CD177: variants seen among roughly 807,000 people sequenced by gnomAD.
CD177 encodes CD177 molecule, also known as CD177 antigen.
In CD177, 41 loss-of-function variants were observed where a neutral mutation model predicts 38.1. The observed-to-expected ratio is 1.07, with a 90% CI of 0.84 to 1.39. The LOEUF is 1.39. Ranked by LOEUF, CD177 falls within the 40% of genes most tolerant of loss-of-function variation. The pLI, the probability that CD177 is intolerant of heterozygous loss-of-function variation, is 0.00. For synonymous variants in CD177, 236 were observed against 216.7 expected (o/e 1.09, Z -0.78); for missense variants, 619 against 523.8 (o/e 1.18, Z -1.77).
intron 1 of CD177, 34 bp from the exon 2 acceptor site, chr19:43,353,819 C>G: frequency 6.2e-7 from 1 of 1,613,870 alleles, no homozygotes; most frequent in South Asian, 1.1e-5. Context: ...GGCAAGGGAA[C>G]CCTGCTGAGA....
At position 43,361,319 on chromosome 19, in the gene CD177, C is replaced by A. The variant is rs554482002; in HGVS notation, c.937C>A (p.Pro313Thr). The A allele has an allele frequency of 3.3e-5, 51 of 1,531,010 alleles. No individual in the cohort carries two copies. In the South Asian group the frequency reaches 5.4e-4, roughly 16 times the overall value. 94.8% of individuals were successfully genotyped at this position (1,531,010 alleles called of 1,614,324 possible). Residue 313 changes from proline (P) to threonine (T), a missense_variant, in exon 7 of 9, where the codon CCT (proline) becomes ACT (threonine). Pro to Thr is a conservative substitution (Grantham distance 38). Coordinates refer to ENST00000618265, the MANE Select transcript of CD177 (RefSeq NM_020406.4). ...CAGCAGCGTTCTGCTGAACTCCCTC[C>A]CTCCTCAAGGTATGGGATCCAGGGC... ...SSSSVLLNSL[P>T]PQAAPVPGDR...
intron 5 of CD177, 41 bp from the exon 6 acceptor site, chr19:43,360,224 G>C (rs1480212888): frequency 6.2e-7 from 1 of 1,604,314 alleles, no homozygotes; most frequent in Admixed American, 1.7e-5. Context: ...CAGACATGGT[G>C]GGTTCCTGGC....
rs1381306077 is a variant in CD177, at chr19:43,362,954, G to C, written c.*634G>C. The C allele has an allele frequency of 2.0e-5, 3 of 152,302 alleles. No individual in the cohort carries two copies. Among genetic ancestry groups the C allele is most frequent in the Middle Eastern group, 3.4e-3 (1 of 294 alleles). 9.4% of individuals were successfully genotyped at this position (152,302 alleles called of 1,614,324 possible). A position where few individuals can be genotyped will look rare whatever the true frequency, so the allele number is the denominator to read the frequency against. ...TCGTTAGGTGATTTTATGACCATAG[G>C]AACATTGTAGCGTGCACTTACACCA... On this transcript the variant is annotated 3_prime_UTR_variant, in exon 9 of 9. Transcript: ENST00000618265.
chr19:43,363,363 A>G (rs1166717714), downstream of CD177, among the ~76,000 whole-genome samples: 1 of 129,254 alleles, frequency 7.7e-6, no homozygotes, highest in African/African-American at 3.0e-5. Flanking sequence ...CCACTGCTGG[A>G]ATCTGCAGAC....
rs911210308 is a variant in CD177, at chr19:43,356,207, G to A, written c.619+99G>A. The A allele has an allele frequency of 2.3e-5, 8 of 343,400 alleles. No homozygotes were observed. In the African/African-American group the frequency reaches 4.0e-4, roughly 17 times the overall value. The allele number at this position is 343,400 out of a possible 1,614,324, so 21.3% of individuals were successfully genotyped here. On this transcript the variant is annotated intron_variant, in intron 5 of 8. Transcript: ENST00000618265. The stretch of plus-strand genomic sequence containing the variant: ...TCACACCAAAGCCAGCAGGAGGAAG[G>A]TCAAGGGTGCAGGGTGGGTTGCTTG...
intron 6 of CD177, 173 bp from the exon 7 acceptor site, chr19:43,360,970 A>G (rs1044341727): frequency 4.4e-5 from 27 of 614,806 alleles, no homozygotes; most frequent in Non-Finnish European, 1.8e-5. Flanking sequence ...TTCGGGCAGG[A>G]CCCAGGCCCC....
At position 43,354,293 on chromosome 19, in the gene CD177, G is replaced by A. The variant is rs1010271116; in HGVS notation, c.280G>A (p.Gly94Ser). ...PRVTEHRMGP[G>S]LSLISYTFVC... ...CGTCACTGAGCACCGGATGGGCCCC[G>A]GCCTCTCCCTGATCTCCTACACCTT... Residue 94 changes from glycine (G) to serine (S), a missense_variant, in exon 3 of 9, where the codon GGC becomes AGC. Transcript: ENST00000618265. The A allele has an allele frequency of 6.8e-6, 11 of 1,613,778 alleles. No individual in the cohort carries two copies. The highest frequency in any genetic ancestry group is 9.3e-6 in the Non-Finnish European group (11 of 1,179,876).
chr19:43,355,588 G>C (rs1198088711), intron 3 of CD177, 73 bp from the exon 4 acceptor site: 2 of 1,592,634 alleles, frequency 1.3e-6, no homozygotes, highest in African/African-American at 2.7e-5. Flanking sequence ...AGCAAAAGTG[G>C]GGTGCAGAGA....
At chr19:43,365,821 A>G (rs192548197), downstream of CD177, among the ~76,000 whole-genome samples, 44 of 150,158 alleles carry the variant, frequency 2.9e-4, no homozygotes, top group South Asian at 6.3e-4. Context: ...GGAGGGGCAG[A>G]AGGACAGGTG....
downstream of CD177, among the ~76,000 whole-genome samples, chr19:43,364,525 C>T (rs955338129): frequency 2.0e-5 from 3 of 149,808 alleles, no homozygotes; most frequent in East Asian, 2.0e-4. Context: ...CCCAGCCACC[C>T]GACCTCCCTC....
intron 3 of CD177, among the ~76,000 whole-genome samples, chr19:43,355,075 G>GC (rs1167860058): frequency 2.0e-5 from 1 of 49,848 alleles, no homozygotes; most frequent in Non-Finnish European, 3.8e-5. Context: ...ACCCCCACTT[G>GC]CCACCCAAGA....
intron 3 of CD177, among the ~76,000 whole-genome samples, chr19:43,355,125 TTTTTC>T (rs1244406885): frequency 4.1e-5 from 5 of 123,204 alleles, no homozygotes; most frequent in African/African-American, 1.4e-4. Context: ...TTTTTTTTTT[TTTTTC>T]TGAGAAAGCG....
At position 43,353,856 on chromosome 19, in the gene CD177, T is replaced by A; in HGVS notation, c.56T>A (p.Val19Glu). The change falls in exon 2 of 9, where the codon GTG (valine) becomes GAG (glutamate). Residue 19 changes from valine to glutamate, a missense_variant. By Grantham distance (121) the Val-to-Glu change is moderately radical. Coordinates refer to ENST00000618265, the MANE Select transcript of CD177 (RefSeq NM_020406.4). ...GGATTTGCTCTTGCCACTCCAGGAG[T>A]GCAGGCGCTGCTCTGCCAGTTTGGG... The part of the protein sequence containing the change: ...LLGFILPLPG[V>E]QALLCQFGTV... 6.2e-7 allele frequency: 1 copy of A among 1,613,680 alleles called. No homozygotes were observed. The highest frequency in any genetic ancestry group is 8.5e-7 in the Non-Finnish European group (1 of 1,179,812).
chr19:43,353,903 G>C lies in CD177; in HGVS notation c.103G>C (p.Val35Leu). The C allele has an allele frequency of 6.2e-7, 1 of 1,613,910 alleles. No homozygotes were observed. Among genetic ancestry groups the C allele is most frequent in the Non-Finnish European group, 8.5e-7 (1 of 1,179,860 alleles). ...TGGGACAGTTCAGCATGTGTGGAAG[G>C]TGTCCGACCTGCCCCGGCAATGGAC... The part of the protein sequence containing the change: ...QFGTVQHVWK[V>L]SDLPRQWTPK... The change falls in exon 2 of 9, where the codon GTG becomes CTG. Residue 35 changes from valine to leucine, a missense_variant. Transcript: ENST00000618265.
Position 43,362,999 on chromosome 19 carries a change from A to G in CD177, c.*679A>G, listed in dbSNP as rs1035736122. The G allele has an allele frequency of 6.6e-6, 1 of 152,168 alleles. No individual in the cohort carries two copies. The highest frequency in any genetic ancestry group is 1.5e-5 in the Non-Finnish European group (1 of 68,030). The allele number at this position is 152,168 out of a possible 1,614,324, so 9.4% of individuals were successfully genotyped here. On this transcript the variant is annotated 3_prime_UTR_variant, in exon 9 of 9. Transcript: ENST00000618265. Reference sequence around the variant, plus strand: ...ACACCAACCCAGATGGTACAGCCCAATACACACCCAGGATGGACGCTAGAG... The same window carrying G: ...ACACCAACCCAGATGGTACAGCCCAGTACACACCCAGGATGGACGCTAGAG...
chr19:43,354,198 T>A lies in CD177; in HGVS notation c.194-9T>A, dbSNP rs1477275071. On this transcript the variant is annotated splice_polypyrimidine_tract_variant and intron_variant, in intron 2 of 8. Transcript: ENST00000618265. ...CTCCATCCTCGCTTGCCTCCCTCTTTCGGTCCAGGACCCCAAGTGAGCCTG... is the reference window on the plus strand; with the variant it reads ...CTCCATCCTCGCTTGCCTCCCTCTTACGGTCCAGGACCCCAAGTGAGCCTG... 2 of 1,609,946 alleles carry A rather than the reference T, an allele frequency of 1.2e-6. No individual in the cohort carries two copies. Among genetic ancestry groups the A allele is most frequent in the Non-Finnish European group, 8.5e-7 (1 of 1,178,294 alleles).
At position 43,355,663 on chromosome 19, in the gene CD177, C is replaced by T. The variant is rs749071284; in HGVS notation, c.382C>T (p.Pro128Ser). The change falls in exon 4 of 9, where the codon CCA becomes TCA. Residue 128 changes from proline (P) to serine (S), a missense_variant and splice_region_variant. By Grantham distance (74) the Pro-to-Ser change is moderately conservative. Transcript: ENST00000618265. The part of the protein sequence containing the change: ...PLWAPQPPAD[P>S]GSLRCPVCLS... ...CACTCTGTCTGTCACTTTCCTAGAC[C>T]CAGGATCCTTGAGGTGCCCAGTCTG... The T allele has an allele frequency of 1.5e-5, 24 of 1,612,338 alleles. No individual in the cohort carries two copies. The highest frequency in any genetic ancestry group is 2.0e-5 in the Non-Finnish European group (23 of 1,179,140).
rs1280728652 is a variant in CD177 at position 43,362,521 on chromosome 19, G to A, written c.*201G>A. 1 of 478,868 alleles carries A rather than the reference G, an allele frequency of 2.1e-6. No individual in the cohort carries two copies. Among genetic ancestry groups the A allele is most frequent in the Non-Finnish European group, 3.7e-6 (1 of 270,518 alleles). 29.7% of individuals were successfully genotyped at this position (478,868 alleles called of 1,614,324 possible). ...GAGCATCCGGACTTGCCCTATGGGA[G>A]AGGGGACGCTGGAGGAGTGGCTGCA... On this transcript the variant is annotated 3_prime_UTR_variant, in exon 9 of 9. Transcript: ENST00000618265.
intron 6 of CD177, chr19:43,360,637 C>A (rs1222091023): frequency 3.8e-6 from 2 of 528,688 alleles, no homozygotes; most frequent in Admixed American, 3.3e-5. Flanking sequence ...ATGCGGTAAT[C>A]CCTGCCCAGG....
Sources: gnomAD v4.1 joint callset for allele counts (sites outside exome capture counted in the v4.1 genomes callset) on GRCh38, gnomAD v4.1.1 for gene constraint, MANE v1.5 for transcripts, NCBI Gene and HGNC (gene_info 2026-07-23, HGNC 2026-07-21) for gene names.